Variants in ARMC9 observed in about 807,000 individuals in gnomAD.
ARMC9 encodes armadillo repeat containing 9, also known as lisH domain-containing protein ARMC9.
Under a neutral mutation model 107.0 loss-of-function variants are expected in ARMC9, and 94 were observed. The ratio of observed to expected loss-of-function variants is 0.88; its 90% CI spans 0.74 to 1.04. The LOEUF is 1.04. Ranked by LOEUF, ARMC9 falls within the 50% of genes least tolerant of loss-of-function variation. ARMC9 has a pLI of 0.00. For missense variants in ARMC9, 942 were observed against 1,030.1 expected (o/e 0.91, Z 1.17); for synonymous variants, 380 against 396.9 (o/e 0.96, Z 0.51).
Position 231,255,180 on chromosome 2 carries a change from A to AACACACACACACACACAC in ARMC9, c.880-1382_880-1365dup, listed in dbSNP as rs3042595. 2.7e-5 allele frequency among the ~76,000 whole-genome samples: 4 copies of AACACACACACACACACAC among 146,760 alleles called. No individual in the cohort carries two copies. The highest frequency in any genetic ancestry group is 1.0e-4 in the African/African-American group (4 of 40,026). ...AGCACTACCTGTAGTGGCAAAAAGAAACACACACACACACACACACACACA... is the reference window on the plus strand; with the variant it reads ...AGCACTACCTGTAGTGGCAAAAAGAAACACACACACACACACACACACACACACACACACACACACACA... On this transcript the variant is annotated intron_variant, in intron 9 of 24. Coordinates refer to ENST00000611582, the MANE Select transcript of ARMC9 (RefSeq NM_001352754.2). This position sits in a 1 kb window ranked among gnomAD's most constrained non-coding sequence, Gnocchi z 4.7.
Position 231,254,724 on chromosome 2 carries a change from A to AT in ARMC9, c.880-1857dup, listed in dbSNP as rs547179927. ...TTAAGTATCATTAACTGACAATAAG[A>AT]TTTTTAACAAGGCTTCTGTAATTTC... On this transcript the variant is annotated intron_variant, in intron 9 of 24. Transcript: ENST00000611582. 2.8e-3 allele frequency among the ~76,000 whole-genome samples: 425 copies of AT among 152,258 alleles called. 1 individual carries two copies. Among genetic ancestry groups the AT allele is most frequent in the Non-Finnish European group, 4.5e-3 (306 of 68,022 alleles).
chr2:231,310,240 C>A (rs1418376594), intron 19 of ARMC9, among the ~76,000 whole-genome samples: 1 of 149,892 alleles, frequency 6.7e-6, no homozygotes, highest in Non-Finnish European at 1.5e-5. Flanking sequence ...CATGGAGAAA[C>A]CCCGTCTCAA....
At chr2:231,329,537 G>A (rs572340680) in intron 19 of ARMC9, among the ~76,000 whole-genome samples, 13 of 151,840 alleles carry the variant, frequency 8.6e-5, no homozygotes, top group African/African-American at 1.2e-4. Context: ...TTGAACTACT[G>A]ACCTCAGGTG....
chr2:231,356,936 G>C (rs2045366969), intron 22 of ARMC9, among the ~76,000 whole-genome samples: 1 of 152,132 alleles, frequency 6.6e-6, no homozygotes, highest in African/African-American at 2.4e-5. Context: ...TTCCTGAAAG[G>C]CTCCACAGTA....
chr2:231,240,793 T>G (rs1027447006), intron 9 of ARMC9, among the ~76,000 whole-genome samples: 1 of 152,220 alleles, frequency 6.6e-6, no homozygotes, highest in Admixed American at 6.5e-5. Context: ...AATTGTCACA[T>G]TGAGTTGGCA....
intron 12 of ARMC9, among the ~76,000 whole-genome samples, chr2:231,265,264 A>C (rs987218007): frequency 6.6e-6 from 1 of 152,148 alleles, no homozygotes; most frequent in Non-Finnish European, 1.5e-5. Context: ...CATCCACCCA[A>C]AGGAAAAGAA....
At chr2:231,290,439 A>G (rs1193552044) in intron 17 of ARMC9, among the ~76,000 whole-genome samples, 1 of 152,212 alleles carries the variant, frequency 6.6e-6, no homozygotes, top group Non-Finnish European at 1.5e-5. Context: ...GCACAGTTTG[A>G]TCAGGGGCTT....
At chr2:231,305,255 G>T (rs1274450692) in intron 19 of ARMC9, among the ~76,000 whole-genome samples, 2 of 152,180 alleles carry the variant, frequency 1.3e-5, no homozygotes, top group African/African-American at 4.8e-5. Context: ...GTTTGAGATC[G>T]CTGCCTTGGT....
chr2:231,270,873 C>A, intron 12 of ARMC9, 109 bp from the exon 13 acceptor site: 1 of 896,824 alleles, frequency 1.1e-6, no homozygotes, highest in Non-Finnish European at 1.8e-6. Context: ...GTTTATTTCA[C>A]CTCTAATAAA....
intron 7 of ARMC9, among the ~76,000 whole-genome samples, chr2:231,230,747 C>T (rs1380939737): frequency 6.6e-6 from 1 of 152,210 alleles, no homozygotes; most frequent in Non-Finnish European, 1.5e-5. Flanking sequence ...CTCTGGATTA[C>T]CTATACCTAA....
chr2:231,332,647 C>T (rs1575112470), intron 20 of ARMC9, among the ~76,000 whole-genome samples: 2 of 152,142 alleles, frequency 1.3e-5, no homozygotes, highest in Non-Finnish European at 2.9e-5. Flanking sequence ...GAGGAAGCAG[C>T]CACTCCTCAG....
intron 22 of ARMC9, among the ~76,000 whole-genome samples, chr2:231,356,516 G>A (rs1471576600): frequency 6.6e-6 from 1 of 152,162 alleles, no homozygotes; most frequent in Non-Finnish European, 1.5e-5. Flanking sequence ...GAGCAGTTCA[G>A]ATAAGACTCT....
chr2:231,353,936 G>A (rs1366060299), intron 21 of ARMC9, among the ~76,000 whole-genome samples: 1 of 151,136 alleles, frequency 6.6e-6, no homozygotes, highest in Non-Finnish European at 1.5e-5. Flanking sequence ...CATATTTTGT[G>A]ATGTTTTAAA....
At chr2:231,292,927 T>A (rs1201421422) in intron 18 of ARMC9, among the ~76,000 whole-genome samples, 1 of 152,128 alleles carries the variant, frequency 6.6e-6, no homozygotes, top group Non-Finnish European at 1.5e-5. Context: ...CCCACACAAA[T>A]TAAATCAGAA....
At chr2:231,290,110 G>T (rs1255521499) in intron 17 of ARMC9, among the ~76,000 whole-genome samples, 1 of 152,176 alleles carries the variant, frequency 6.6e-6, no homozygotes, top group Non-Finnish European at 1.5e-5. Flanking sequence ...CCAACAACCA[G>T]TTATACACTT....
At chr2:231,307,229 G>A (rs537354224) in intron 19 of ARMC9, among the ~76,000 whole-genome samples, 52 of 152,336 alleles carry the variant, frequency 3.4e-4, no homozygotes, top group African/African-American at 1.1e-3. Context: ...GGCTGAGAGA[G>A]GGGTAAGTAT....
intron 15 of ARMC9, among the ~76,000 whole-genome samples, chr2:231,277,218 G>T (rs1352142972): frequency 6.6e-6 from 1 of 152,120 alleles, no homozygotes; most frequent in Admixed American, 6.6e-5. Context: ...TCTCCTGTGG[G>T]CACAAGTCAT....
At chr2:231,352,356 G>A (rs758096743) in intron 21 of ARMC9, among the ~76,000 whole-genome samples, 4 of 151,360 alleles carry the variant, frequency 2.6e-5, no homozygotes, top group African/African-American at 4.9e-5. Flanking sequence ...GCAATGGTAC[G>A]ATCTCAGCTT....
At chr2:231,239,918 A>G (rs368562023) in intron 8 of ARMC9, 25 bp from the exon 9 acceptor site, 3 of 1,597,934 alleles carry the variant, frequency 1.9e-6, no homozygotes, top group African/African-American at 2.7e-5. Flanking sequence ...TGCCATCACC[A>G]GATGTCTTTG....
Sources: gnomAD v4.1 joint callset for allele counts (sites outside exome capture counted in the v4.1 genomes callset) on GRCh38, gnomAD v4.1.1 for gene constraint, Gnocchi (gnomAD v3.1) non-coding constraint, MANE v1.5 for transcripts, NCBI Gene and HGNC (gene_info 2026-07-23, HGNC 2026-07-21) for gene names.